The following VPS13B variants were observed in gnomAD, a reference collection of about 807,000 sequenced individuals.
VPS13B encodes intermembrane lipid transfer protein VPS13B.
Under a neutral mutation model 426.4 loss-of-function variants are expected in VPS13B, and 285 were observed. The observed-to-expected ratio is 0.67, with a 90% confidence interval of 0.61 to 0.74. The LOEUF (loss-of-function observed/expected upper bound fraction) is 0.74, where lower values mean the gene tolerates loss of function less well. VPS13B is among the 30% of genes least tolerant of loss of function. The pLI is 0.00. For synonymous variants in VPS13B, 1,676 were observed against 1,676.4 expected (o/e 1.00, Z 0.01); for missense variants, 4,537 against 4,782.6 (o/e 0.95, Z 1.51).
intron 31 of VPS13B, among the ~76,000 whole-genome samples, chr8:99,559,980 C>G (rs1824814694): frequency 6.6e-6 from 1 of 152,038 alleles, no homozygotes; most frequent in Non-Finnish European, 1.5e-5. Context: ...GGCATTGAAT[C>G]TATAAATTAC....
At chr8:99,619,153 A>G (rs1828242379) in intron 33 of VPS13B, among the ~76,000 whole-genome samples, 1 of 152,148 alleles carries the variant, frequency 6.6e-6, no homozygotes, top group African/African-American at 2.4e-5. Context: ...TATTAGACCA[A>G]ATTATATCTC....
chr8:99,519,439 G>A (rs189184179), intron 29 of VPS13B, among the ~76,000 whole-genome samples: 226 of 152,240 alleles, frequency 1.5e-3, no homozygotes, highest in South Asian at 0.012. Flanking sequence ...TGACCCAGCC[G>A]TCCCATTACT....
chr8:99,724,952 A>G (rs565670696), intron 39 of VPS13B, among the ~76,000 whole-genome samples: 19 of 152,256 alleles, frequency 1.2e-4, no homozygotes, highest in African/African-American at 4.6e-4. Context: ...TCCTCTATCA[A>G]ACTGGCCTAT....
At chr8:99,445,002 A>G (rs1041910787) in intron 23 of VPS13B, among the ~76,000 whole-genome samples, 5 of 152,050 alleles carry the variant, frequency 3.3e-5, no homozygotes, top group African/African-American at 1.2e-4. Context: ...TATTTTTAGT[A>G]GAGTCAGGGT....
chr8:99,224,452 A>G (rs1288871088), intron 17 of VPS13B, among the ~76,000 whole-genome samples: 1 of 152,192 alleles, frequency 6.6e-6, no homozygotes, highest in Non-Finnish European at 1.5e-5. Context: ...ATTTTTAGGA[A>G]TGCACATTTT....
chr8:99,172,570 C>G (rs931531313), intron 16 of VPS13B, among the ~76,000 whole-genome samples: 1 of 152,072 alleles, frequency 6.6e-6, no homozygotes, highest in African/African-American at 2.4e-5. Context: ...TGTTTTATTA[C>G]TTGAAGGAGC....
chr8:99,085,807 C>T (rs564405563), intron 3 of VPS13B, among the ~76,000 whole-genome samples: 8 of 152,212 alleles, frequency 5.3e-5, no homozygotes, highest in African/African-American at 9.6e-5. Context: ...TGATTTCTGC[C>T]GAGAGATCAG....
rs185556479 is a variant in VPS13B at position 99,489,879 on chromosome 8, C to A, written c.3870+8077C>A. ...GACAATTTGACTTCCTCTTTTCCTG[C>A]TTGAATACCCTTTATTTCTTTCTCC... On this transcript the variant is annotated intron_variant, in intron 25 of 61. Transcript: ENST00000357162. Among the ~76,000 whole-genome samples, 962 of 152,146 alleles carry A rather than the reference C, an allele frequency of 6.3e-3. 8 individuals are homozygous for A. Among genetic ancestry groups the A allele is most frequent in the African/African-American group, 0.022 (902 of 41,532 alleles).
At chr8:99,835,886 C>T in intron 54 of VPS13B, 148 bp downstream of exon 54, 1 of 815,904 alleles carries the variant, frequency 1.2e-6, no homozygotes, top group Non-Finnish European at 1.9e-6. Context: ...TTTACGTCCT[C>T]ATTAAGTTAT....
At chr8:99,719,680 T>C (rs1391029280) in intron 37 of VPS13B, among the ~76,000 whole-genome samples, 1 of 152,172 alleles carries the variant, frequency 6.6e-6, no homozygotes, top group African/African-American at 2.4e-5. Context: ...TATAACTTAG[T>C]AGTTATAGAC....
At chr8:99,283,008 A>G (rs1029552613) in intron 19 of VPS13B, among the ~76,000 whole-genome samples, 1 of 152,196 alleles carries the variant, frequency 6.6e-6, no homozygotes, top group African/African-American at 2.4e-5. Flanking sequence ...CTTGATTAAA[A>G]CATACCAGCA....
At chr8:99,136,233 T>G (rs911952576) in intron 11 of VPS13B, among the ~76,000 whole-genome samples, 3 of 152,132 alleles carry the variant, frequency 2.0e-5, no homozygotes, top group African/African-American at 7.2e-5. Context: ...ATTGTTAAAA[T>G]ATTTAATGTT....
intron 2 of VPS13B, among the ~76,000 whole-genome samples, chr8:99,028,033 G>T (rs1363799007): frequency 2.0e-5 from 3 of 152,246 alleles, no homozygotes; most frequent in Admixed American, 6.5e-5. Flanking sequence ...TTGGGGGTAA[G>T]ATCACAGATC....
At chr8:99,224,677 A>G (rs147069194) in intron 17 of VPS13B, among the ~76,000 whole-genome samples, 19 of 152,340 alleles carry the variant, frequency 1.2e-4, no homozygotes, top group Admixed American at 2.6e-4. Flanking sequence ...CAAGTATAGC[A>G]TGACTGTTTT....
At chr8:99,592,684 C>CA (rs1255015091) in intron 33 of VPS13B, among the ~76,000 whole-genome samples, 1 of 151,984 alleles carries the variant, frequency 6.6e-6, no homozygotes, top group African/African-American at 2.4e-5. Context: ...CTACAGTAAC[C>CA]AAAACAGCAT....
chr8:99,405,854 C>G (rs72674611), intron 21 of VPS13B, among the ~76,000 whole-genome samples: 9,594 of 151,440 alleles, frequency 0.063, 326 homozygotes, highest in African/African-American at 0.09. Context: ...TCTTGGCTCA[C>G]TGCAACTTCC....
chr8:99,840,665 A>C (rs1384581384), intron 54 of VPS13B, among the ~76,000 whole-genome samples: 1 of 152,234 alleles, frequency 6.6e-6, no homozygotes, highest in Non-Finnish European at 1.5e-5. Flanking sequence ...ATACAGTATA[A>C]GATATTATCT....
At chr8:99,784,552 C>T (rs938711384) in intron 43 of VPS13B, 76 bp downstream of exon 43, 2 of 1,580,360 alleles carry the variant, frequency 1.3e-6, no homozygotes, top group Non-Finnish European at 1.7e-6. Context: ...TGTGCCTGTC[C>T]AGTTATTTCC....
chr8:99,058,690 A>G (rs1844018420), intron 3 of VPS13B, among the ~76,000 whole-genome samples: 1 of 152,186 alleles, frequency 6.6e-6, no homozygotes, highest in African/African-American at 2.4e-5. Context: ...TCAGAGAATT[A>G]GTTAGATTCT....
Sources: allele counts gnomAD v4.1 joint callset (sites outside exome capture counted in the v4.1 genomes callset), GRCh38; gene constraint gnomAD v4.1.1; transcripts MANE v1.5; gene names NCBI Gene and HGNC (gene_info 2026-07-23, HGNC 2026-07-21).